Variants in TCTN2 observed in about 807,000 individuals in gnomAD.
The protein encoded by TCTN2 is tectonic family member 2, also known as tectonic-2.
TCTN2 carries 66 observed loss-of-function variants against 83.4 expected under a neutral mutation model. That is an observed-to-expected ratio of 0.79 (90% confidence interval 0.65 to 0.97). TCTN2 has a LOEUF of 0.97. Ranked by LOEUF, TCTN2 falls within the 50% of genes least tolerant of loss-of-function variation. The probability of loss-of-function intolerance (pLI) is 0.00; values close to 1 mark genes in which losing one functional copy is unlikely to be tolerated. For missense variants in TCTN2, 794 were observed against 858.1 expected (o/e 0.93, Z 0.93); for synonymous variants, 301 against 326.7 (o/e 0.92, Z 0.85).
At chr12:123,700,324 C>T (rs1455192098) in intron 14 of TCTN2, among the ~76,000 whole-genome samples, 1 of 152,152 alleles carries the variant, frequency 6.6e-6, no homozygotes, top group Non-Finnish European at 1.5e-5. Context: ...TGGCCAACAA[C>T]AGTCTTTGTG....
In TCTN2 at chr12:123,708,382, T is replaced by C. The variant is rs1458538144; in HGVS notation, c.*669T>C. The C allele has an allele frequency of 1.3e-5, 2 of 152,702 alleles. No homozygotes were observed. The highest frequency in any genetic ancestry group is 4.8e-5 in the African/African-American group (2 of 41,464). 9.5% of individuals were successfully genotyped at this position (152,702 alleles called of 1,614,324 possible). On this transcript the variant is annotated 3_prime_UTR_variant, in exon 18 of 18. Coordinates refer to ENST00000303372, the MANE Select transcript of TCTN2 (RefSeq NM_024809.5). ...CTATAAAATTTTAATAAATGAAATG[T>C]CTTATTTTTGTAGAAAATTTTTATT... is the stretch of plus-strand genomic sequence containing the variant.
In TCTN2 at chr12:123,681,037, T is replaced by C. The variant is rs140896122; in HGVS notation, c.564+1748T>C. The stretch of plus-strand genomic sequence containing the variant: ...TAATCCCAGCACTTTGGGAGGCCGA[T>C]GTGGGTGGATCACTTGAGTTCAGGA... On this transcript the variant is annotated intron_variant, in intron 5 of 17. Coordinates refer to ENST00000303372, the MANE Select transcript of TCTN2 (RefSeq NM_024809.5). Among the ~76,000 whole-genome samples, 870 of 151,982 alleles carry C rather than the reference T, an allele frequency of 5.7e-3. 8 individuals are homozygous for C. The highest frequency in any genetic ancestry group is 0.02 in the African/African-American group (835 of 41,484).
At position 123,688,119 on chromosome 12, in the gene TCTN2, G is replaced by A. The variant is rs1174317646; in HGVS notation, c.833G>A (p.Gly278Asp). The A allele has an allele frequency of 1.2e-6, 2 of 1,613,804 alleles. No individual in the cohort carries two copies. The highest frequency in any genetic ancestry group is 1.7e-6 in the Non-Finnish European group (2 of 1,179,946). Residue 278 changes from glycine to aspartate, a missense_variant, in exon 7 of 18, where the codon GGT (glycine) becomes GAT (aspartate). Coordinates refer to ENST00000303372, the MANE Select transcript of TCTN2 (RefSeq NM_024809.5). ...DTDAKDFADFGYKQGDPIMTV... is the reference protein window; with the variant it reads ...DTDAKDFADFDYKQGDPIMTV... The stretch of plus-strand genomic sequence containing the variant: ...GACGCAAAAGACTTTGCAGACTTTG[G>A]TTACAAACAAGGAGATCCCATTATG...
chr12:123,673,926 G>A (rs1955788687), intron 4 of TCTN2, 116 bp downstream of exon 4: 3 of 944,336 alleles, frequency 3.2e-6, no homozygotes, highest in South Asian at 2.8e-5. Context: ...CTGCCCGGGA[G>A]GTTAATGCTA....
At chr12:123,688,561 A>G (rs1956004977) in intron 7 of TCTN2, among the ~76,000 whole-genome samples, 1 of 151,672 alleles carries the variant, frequency 6.6e-6, no homozygotes, top group African/African-American at 2.4e-5. Flanking sequence ...AATTTAAGTC[A>G]TATTTCTCTT....
chr12:123,702,453 T>TG (rs112374886), intron 14 of TCTN2, among the ~76,000 whole-genome samples: 22,796 of 152,138 alleles, frequency 0.15, 2,915 homozygotes, highest in African/African-American at 0.35. Context: ...CTTCCCCCTC[T>TG]TGGTCATGGA....
chr12:123,677,847 C>T (rs1203864302), intron 4 of TCTN2, among the ~76,000 whole-genome samples: 2 of 152,056 alleles, frequency 1.3e-5, no homozygotes, highest in African/African-American at 4.8e-5. Context: ...TCAGGCTGGT[C>T]TCGAACTCCT....
At chr12:123,678,434 CT>C (rs1307831825) in intron 4 of TCTN2, among the ~76,000 whole-genome samples, 2 of 152,142 alleles carry the variant, frequency 1.3e-5, no homozygotes, top group East Asian at 3.9e-4. Context: ...TTATCTGTTT[CT>C]TTTTTGTAGC....
At chr12:123,676,584 A>C (rs1289361817) in intron 4 of TCTN2, among the ~76,000 whole-genome samples, 1 of 150,086 alleles carries the variant, frequency 6.7e-6, no homozygotes, top group Non-Finnish European at 1.5e-5. Context: ...AAAAAAAAAA[A>C]AAAAAAAGGA....
Position 123,672,140 on chromosome 12 carries a change from C to T in TCTN2, c.267+8C>T, listed in dbSNP as rs1593828695. 3.1e-6 allele frequency: 5 copies of T among 1,613,706 alleles called. No homozygotes were observed. The highest frequency in any genetic ancestry group is 4.5e-5 in the East Asian group (2 of 44,880). On this transcript the variant is annotated splice_region_variant and intron_variant, in intron 3 of 17. Coordinates refer to ENST00000303372, the MANE Select transcript of TCTN2 (RefSeq NM_024809.5). ...ACTGTGATCCCCGGTGCGGTAAGGC[C>T]AGAAGTAAACCTTCTCTGTAGCCTG...
chr12:123,702,269 C>G (rs1956181268), intron 14 of TCTN2, among the ~76,000 whole-genome samples: 1 of 152,210 alleles, frequency 6.6e-6, no homozygotes, highest in South Asian at 2.1e-4. Context: ...TGCTCTGCCC[C>G]TCTCCTCTGC....
At chr12:123,703,866 T>C (rs1956199410) in intron 14 of TCTN2, among the ~76,000 whole-genome samples, 1 of 152,156 alleles carries the variant, frequency 6.6e-6, no homozygotes, top group Admixed American at 6.6e-5. Context: ...AACGATGGCA[T>C]TTCACTGCAA....
rs1340873121 is a variant in TCTN2 at position 123,692,650 on chromosome 12, C to T, written c.1034-8C>T. 6.2e-7 allele frequency: 1 copy of T among 1,609,332 alleles called. No individual in the cohort carries two copies. Among genetic ancestry groups the T allele is most frequent in the East Asian group, 2.2e-5 (1 of 44,866 alleles). On this transcript the variant is annotated splice_polypyrimidine_tract_variant and splice_region_variant and intron_variant, in intron 8 of 17. Coordinates refer to ENST00000303372, the MANE Select transcript of TCTN2 (RefSeq NM_024809.5). ...GCCTGTGGAAGTTAATTTATGTTAT[C>T]TCTTTAGGCATAGTTACACCAAAAG... is the stretch of plus-strand genomic sequence containing the variant.
intron 4 of TCTN2, among the ~76,000 whole-genome samples, chr12:123,674,019 C>CA (rs1460429355): frequency 6.6e-6 from 1 of 151,932 alleles, no homozygotes; most frequent in Non-Finnish European, 1.5e-5. Flanking sequence ...AAAACAAAAA[C>CA]AAAAAAAGAA....
At chr12:123,696,856 C>T (rs1045717555) in intron 12 of TCTN2, 29 of 555,862 alleles carry the variant, frequency 5.2e-5, no homozygotes, top group African/African-American at 5.1e-4. Flanking sequence ...TAATTACGCA[C>T]ACCTGCCAGA....
At position 123,707,014 on chromosome 12, in the gene TCTN2, G is replaced by T. The variant is rs775470824; in HGVS notation, c.1925G>T (p.Cys642Phe). ...CAGATCAATTATACAGAGTATGACTGCAACAGAAATGAGGTGTGTTGGCCG... is the reference window on the plus strand; with the variant it reads ...CAGATCAATTATACAGAGTATGACTTCAACAGAAATGAGGTGTGTTGGCCG... Reference protein sequence around the residue: ...RFQINYTEYDCNRNEVCWPQL... With the variant: ...RFQINYTEYDFNRNEVCWPQL... The change falls in exon 17 of 18, where the codon TGC becomes TTC. Residue 642 changes from cysteine (C) to phenylalanine (F), a missense_variant. Coordinates refer to ENST00000303372, the MANE Select transcript of TCTN2 (RefSeq NM_024809.5). 4.3e-6 allele frequency: 7 copies of T among 1,614,002 alleles called. No individual in the cohort carries two copies. In the South Asian group the frequency reaches 7.7e-5, roughly 18 times the overall value.
chr12:123,685,159 C>T (rs574954124), intron 5 of TCTN2, among the ~76,000 whole-genome samples: 11 of 152,004 alleles, frequency 7.2e-5, no homozygotes, highest in Admixed American at 1.3e-4. Context: ...TGTCCCATGT[C>T]GGACTCCCTT....
chr12:123,684,583 T>G (rs967149703), intron 5 of TCTN2, among the ~76,000 whole-genome samples: 4 of 151,796 alleles, frequency 2.6e-5, no homozygotes, highest in Non-Finnish European at 1.5e-5. Context: ...GTATTTTCAG[T>G]AGAGACGAGT....
rs139667534 is a variant in TCTN2, at chr12:123,697,928, A to G, written c.1505+730A>G. 1.9e-3 allele frequency among the ~76,000 whole-genome samples: 284 copies of G among 148,908 alleles called. 3 individuals are homozygous for G. Among genetic ancestry groups the G allele is most frequent in the African/African-American group, 6.4e-3 (256 of 40,282 alleles). On this transcript the variant is annotated intron_variant, in intron 13 of 17. Coordinates refer to ENST00000303372, the MANE Select transcript of TCTN2 (RefSeq NM_024809.5). Reference sequence around the variant, plus strand: ...CAGGCTCGGGTGCAGTGGTGCAATCATGGCTTACTGCAGCCCCAACCTCCC... The same window carrying G: ...CAGGCTCGGGTGCAGTGGTGCAATCGTGGCTTACTGCAGCCCCAACCTCCC...
Sources: gnomAD v4.1 joint callset for allele counts (sites outside exome capture counted in the v4.1 genomes callset) on GRCh38, gnomAD v4.1.1 for gene constraint, MANE v1.5 for transcripts, NCBI Gene and HGNC (gene_info 2026-07-23, HGNC 2026-07-21) for gene names.